RBFOX1: variants seen among roughly 807,000 people sequenced by gnomAD.
RBFOX1 encodes the protein RNA binding protein fox-1 homolog 1.
Under a neutral mutation model 57.7 loss-of-function variants are expected in RBFOX1, and 8 were observed. The observed-to-expected ratio is 0.14, with a 90% CI of 0.08 to 0.25. The LOEUF is 0.25. Ranked by LOEUF, RBFOX1 falls within the 10% of genes least tolerant of loss-of-function variation. RBFOX1 has a pLI of 1.00. For synonymous variants in RBFOX1, 326 were observed against 222.4 expected (o/e 1.47, Z -4.15); for missense variants, 611 against 548.5 (o/e 1.11, Z -1.14).
chr16:6,952,674 G>C (rs1216689798), intron 3 of RBFOX1, among the ~76,000 whole-genome samples: 2 of 151,614 alleles, frequency 1.3e-5, no homozygotes, highest in Non-Finnish European at 2.9e-5. Context: ...AAAAAGAAAT[G>C]AAAAAAAATT....
chr16:7,514,069 A>T (rs755064544), intron 4 of RBFOX1, among the ~76,000 whole-genome samples: 20 of 151,974 alleles, frequency 1.3e-4, no homozygotes, highest in Non-Finnish European at 2.6e-4. Flanking sequence ...GTGATCCCAT[A>T]TCTAATGACA....
chr16:6,788,451 T>C (rs2082332261), intron 3 of RBFOX1, among the ~76,000 whole-genome samples: 1 of 151,774 alleles, frequency 6.6e-6, no homozygotes, highest in East Asian at 1.9e-4. Flanking sequence ...ACTGATTTTT[T>C]TTTTATTATT....
At chr16:6,059,799 C>G (rs945714873) in intron 1 of RBFOX1, among the ~76,000 whole-genome samples, 1 of 152,138 alleles carries the variant, frequency 6.6e-6, no homozygotes, top group Non-Finnish European at 1.5e-5. Context: ...CTGAAGCCCA[C>G]TCAGAGATCA....
chr16:6,877,480 C>A (rs554153198), intron 3 of RBFOX1, among the ~76,000 whole-genome samples: 2 of 152,230 alleles, frequency 1.3e-5, no homozygotes, highest in African/African-American at 4.8e-5. Flanking sequence ...GATATCAGAC[C>A]ATAAAATGCC....
intron 2 of RBFOX1, among the ~76,000 whole-genome samples, chr16:6,484,740 T>A (rs936100205): frequency 3.3e-5 from 5 of 152,164 alleles, no homozygotes; most frequent in Admixed American, 6.5e-5. Flanking sequence ...CAAGCAGAAT[T>A]GTGAATCCAA....
intron 4 of RBFOX1, among the ~76,000 whole-genome samples, chr16:7,181,863 CA>C (rs1425197374): frequency 3.3e-5 from 5 of 152,068 alleles, no homozygotes; most frequent in Non-Finnish European, 7.4e-5. Context: ...ACCCGGGCCC[CA>C]GAGGAGAGCT....
intron 10 of RBFOX1, among the ~76,000 whole-genome samples, chr16:7,610,897 A>C (rs1423500171): frequency 6.6e-6 from 1 of 152,222 alleles, no homozygotes; most frequent in African/African-American, 2.4e-5. Flanking sequence ...TGGGGCATTT[A>C]AAATTTCCCC....
At chr16:6,093,936 A>G (rs961635264) in intron 1 of RBFOX1, among the ~76,000 whole-genome samples, 2 of 152,150 alleles carry the variant, frequency 1.3e-5, no homozygotes, top group African/African-American at 4.8e-5. Flanking sequence ...TTGTTTGAGA[A>G]GTCATATTCT....
chr16:5,338,150 G>T (rs2064945235), intron 1 of RBFOX1, among the ~76,000 whole-genome samples: 1 of 150,138 alleles, frequency 6.7e-6, no homozygotes, highest in African/African-American at 2.5e-5. Flanking sequence ...TTGTTACTGA[G>T]CCTTATTGAG....
At chr16:7,147,786 G>T (rs754870526) in intron 4 of RBFOX1, among the ~76,000 whole-genome samples, 97 of 152,268 alleles carry the variant, frequency 6.4e-4, no homozygotes, top group Non-Finnish European at 1.1e-3. Context: ...ACATGTGAGT[G>T]CGTGTGTCTT....
intron 4 of RBFOX1, among the ~76,000 whole-genome samples, chr16:5,949,956 A>G (rs147431805): frequency 4.1e-4 from 62 of 152,300 alleles, no homozygotes; most frequent in Admixed American, 3.3e-4. Context: ...AGATTCAGTT[A>G]GATAATTTTT....
chr16:5,591,409 G>C (rs1229497157), intron 2 of RBFOX1, among the ~76,000 whole-genome samples: 1 of 152,032 alleles, frequency 6.6e-6, no homozygotes, highest in African/African-American at 2.4e-5. Flanking sequence ...CCACCACTGT[G>C]CTCGGTTAAT....
At chr16:5,445,850 C>T (rs996081584) in intron 1 of RBFOX1, among the ~76,000 whole-genome samples, 40 of 152,320 alleles carry the variant, frequency 2.6e-4, no homozygotes, top group Admixed American at 1.8e-3. Flanking sequence ...GAAGTTCTGT[C>T]GTCTGCAAAA....
At position 5,586,303 on chromosome 16, in the gene RBFOX1, G is replaced by A. The variant is rs990118866; in HGVS notation, c.259-12599G>A. ...AGACCACTCAGTTGGTGGCAATTGCGTGACGGCAGCCACAGGGAACTAAAG... is the reference window on the plus strand; with the variant it reads ...AGACCACTCAGTTGGTGGCAATTGCATGACGGCAGCCACAGGGAACTAAAG... On this transcript the variant is annotated intron_variant, in intron 2 of 2. Coordinates refer to the RBFOX1 transcript ENST00000585867. Among the ~76,000 whole-genome samples the A allele has an allele frequency of 2.1e-4, 32 of 152,156 alleles. 1 individual carries two copies. The highest frequency in any genetic ancestry group is 6.8e-4 in the African/African-American group (28 of 41,444).
chr16:5,992,507 G>A (rs1479326235), intron 4 of RBFOX1, among the ~76,000 whole-genome samples: 1 of 152,176 alleles, frequency 6.6e-6, no homozygotes. Flanking sequence ...TCCTGCAACT[G>A]GTATGAGTCA....
At chr16:5,341,975 G>C (rs1347571486) in intron 1 of RBFOX1, among the ~76,000 whole-genome samples, 1 of 152,162 alleles carries the variant, frequency 6.6e-6, no homozygotes, top group African/African-American at 2.4e-5. Context: ...TCACCCTTTT[G>C]GGAAGAGAAC....
intron 4 of RBFOX1, among the ~76,000 whole-genome samples, chr16:5,897,018 T>A (rs1178008576): frequency 1.2e-3 from 5 of 4,332 alleles, no homozygotes; most frequent in African/African-American, 3.8e-3. Context: ...TCCATCCGCT[T>A]TTTTTTTTTT....
intron 3 of RBFOX1, among the ~76,000 whole-genome samples, chr16:6,779,197 ACATTATTCTACTCTGTATCTCCATGAGAT>A (rs1252897204): frequency 6.6e-6 from 1 of 151,992 alleles, no homozygotes; most frequent in African/African-American, 2.4e-5. Context: ...CATTTGGTAA[ACATTATTCTACTCTGTATCTCCATGAGAT>A]CAATTTTTTT....
chr16:6,460,467 AC>A (rs1390004962), intron 2 of RBFOX1, among the ~76,000 whole-genome samples: 1 of 152,126 alleles, frequency 6.6e-6, no homozygotes, highest in Admixed American at 6.6e-5. Context: ...CAAAAAAAAA[AC>A]ATACATGCGG....
Sources: allele counts gnomAD v4.1 joint callset (sites outside exome capture counted in the v4.1 genomes callset), GRCh38; gene constraint gnomAD v4.1.1; transcripts MANE v1.5; gene names NCBI Gene and HGNC (gene_info 2026-07-23, HGNC 2026-07-21).